Variants in BACH1 observed in about 807,000 individuals in gnomAD.
The protein encoded by BACH1 is BTB domain and CNC homolog 1, also known as transcription regulator protein BACH1.
Under a neutral mutation model 52.9 loss-of-function variants are expected in BACH1, and 35 were observed. The observed-to-expected ratio is 0.66, with a 90% CI of 0.51 to 0.88. BACH1 has a LOEUF of 0.88. BACH1 is among the 40% of genes least tolerant of loss of function. The probability of loss-of-function intolerance (pLI) is 0.00; values close to 1 mark genes in which losing one functional copy is unlikely to be tolerated. For synonymous variants in BACH1, 321 were observed against 319.6 expected, an observed-to-expected ratio of 1.00 and a Z score of -0.05; for missense variants, 808 against 872.6, an observed-to-expected ratio of 0.93 and a Z score of 0.93.
chr21:29,361,826 C>T (rs2089273407), intron 2 of BACH1: 1 of 152,194 alleles, frequency 6.6e-6, no homozygotes, highest in Non-Finnish European at 1.5e-5. Context: ...CAAAATCTCA[C>T]TTGTATACCG....
At chr21:29,333,877 G>A (rs2089013406) in intron 4 of BACH1, among the ~76,000 whole-genome samples, 1 of 152,102 alleles carries the variant, frequency 6.6e-6, no homozygotes, top group Non-Finnish European at 1.5e-5. Flanking sequence ...TAGTAAATAA[G>A]GTATTTCTCA....
intron 1 of BACH1, among the ~76,000 whole-genome samples, chr21:29,302,015 C>T (rs1380405333): frequency 1.3e-5 from 2 of 152,092 alleles, no homozygotes; most frequent in Non-Finnish European, 2.9e-5. Flanking sequence ...TTGCAAAGCC[C>T]GTTAAAATTA....
downstream of BACH1, among the ~76,000 whole-genome samples, chr21:29,350,226 C>G (rs1361130312): frequency 2.0e-5 from 3 of 152,170 alleles, no homozygotes; most frequent in Non-Finnish European, 4.4e-5. Flanking sequence ...CACAAGACTC[C>G]CAATCACATG....
chr21:29,353,816 C>T (rs1467537810), intron 2 of BACH1, among the ~76,000 whole-genome samples: 1 of 152,136 alleles, frequency 6.6e-6, no homozygotes, highest in East Asian at 1.9e-4. Flanking sequence ...ATGGATGAAA[C>T]TCCTGTGGCA....
chr21:29,328,808 C>T, intron 3 of BACH1, among the ~76,000 whole-genome samples: 1 of 152,154 alleles, frequency 6.6e-6, no homozygotes, highest in East Asian at 1.9e-4. Context: ...GATTTACTCT[C>T]CTCTGTGTCT....
chr21:29,320,806 G>A (rs1292939640), intron 1 of BACH1, among the ~76,000 whole-genome samples: 1 of 152,172 alleles, frequency 6.6e-6, no homozygotes, highest in Non-Finnish European at 1.5e-5. Flanking sequence ...ATCCCAAGGT[G>A]TGACCTCTGG....
At chr21:29,325,452 C>T (rs1400785783) in intron 2 of BACH1, among the ~76,000 whole-genome samples, 2 of 151,960 alleles carry the variant, frequency 1.3e-5, no homozygotes, top group African/African-American at 2.4e-5. Flanking sequence ...GAAACAGTAC[C>T]GAGGCATGAT....
chr21:29,320,894 G>T (rs926526436), intron 1 of BACH1, among the ~76,000 whole-genome samples: 1 of 152,010 alleles, frequency 6.6e-6, no homozygotes, highest in Non-Finnish European at 1.5e-5. Context: ...AATAGGATTG[G>T]GATGCCACCA....
chr21:29,322,380 C>T (rs185230542), intron 2 of BACH1, among the ~76,000 whole-genome samples: 8 of 152,270 alleles, frequency 5.3e-5, no homozygotes, highest in Non-Finnish European at 8.8e-5. Context: ...AACAGTGTTG[C>T]GTCATTTTTA....
chr21:29,359,671 C>G (rs1249153318), intron 2 of BACH1, among the ~76,000 whole-genome samples: 1 of 151,804 alleles, frequency 6.6e-6, no homozygotes, highest in African/African-American at 2.4e-5. Flanking sequence ...AAACCTGCCT[C>G]CCATTTTATT....
intron 2 of BACH1, among the ~76,000 whole-genome samples, chr21:29,354,937 A>G (rs2089224416): frequency 6.6e-6 from 1 of 152,220 alleles, no homozygotes; most frequent in African/African-American, 2.4e-5. Context: ...ACTGGGAAAG[A>G]AGAACTCATA....
intron 4 of BACH1, among the ~76,000 whole-genome samples, chr21:29,338,798 C>T (rs892827717): frequency 2.0e-5 from 3 of 152,098 alleles, no homozygotes; most frequent in African/African-American, 7.2e-5. Flanking sequence ...ATAGCTACTT[C>T]CTATAGGTAA....
chr21:29,316,340 G>T (rs1258532258), intron 1 of BACH1, among the ~76,000 whole-genome samples: 1 of 152,178 alleles, frequency 6.6e-6, no homozygotes, highest in Non-Finnish European at 1.5e-5. Context: ...TTTCCAAATT[G>T]AGGTGTAGGA....
chr21:29,325,588 A>G (rs1422738288), intron 2 of BACH1, among the ~76,000 whole-genome samples: 1 of 152,234 alleles, frequency 6.6e-6, no homozygotes, highest in Non-Finnish European at 1.5e-5. Flanking sequence ...AAGACTTTGT[A>G]ACTGCTTTAC....
chr21:29,320,985 T>G (rs531092587), intron 1 of BACH1, among the ~76,000 whole-genome samples: 10 of 152,318 alleles, frequency 6.6e-5, no homozygotes, highest in African/African-American at 2.2e-4. Flanking sequence ...AGCCATGAAA[T>G]CCTTGGTTCA....
intron 2 of BACH1, among the ~76,000 whole-genome samples, chr21:29,356,679 G>T (rs972196532): frequency 2.0e-5 from 3 of 152,246 alleles, no homozygotes; most frequent in Admixed American, 6.5e-5. Context: ...GAAGGCTATG[G>T]GTTGTCAGTG....
intron 1 of BACH1, among the ~76,000 whole-genome samples, chr21:29,313,441 T>A (rs904849482): frequency 2.6e-5 from 4 of 152,238 alleles, no homozygotes; most frequent in Admixed American, 2.0e-4. Context: ...TACTCCTAGG[T>A]GTTTACCCAA....
At chr21:29,358,373 A>T (rs1446861957) in intron 2 of BACH1, among the ~76,000 whole-genome samples, 1 of 152,126 alleles carries the variant, frequency 6.6e-6, no homozygotes, top group Non-Finnish European at 1.5e-5. Flanking sequence ...ATAACCAGGA[A>T]CTCAGGGACT....
chr21:29,321,909 A>G (rs994022798), intron 2 of BACH1, among the ~76,000 whole-genome samples: 3 of 152,090 alleles, frequency 2.0e-5, no homozygotes, highest in African/African-American at 4.8e-5. Context: ...CGTGGCGCTA[A>G]TAAAGACATA....
Sources: gnomAD v4.1 joint callset for allele counts (sites outside exome capture counted in the v4.1 genomes callset) on GRCh38, gnomAD v4.1.1 for gene constraint, MANE v1.5 for transcripts, NCBI Gene and HGNC (gene_info 2026-07-23, HGNC 2026-07-21) for gene names.